Variants in KMO observed in about 807,000 individuals in gnomAD.
KMO encodes kynurenine 3-monooxygenase.
Under a neutral mutation model 57.8 loss-of-function variants are expected in KMO, and 24 were observed. The observed-to-expected ratio is 0.42, with a 90% CI of 0.30 to 0.58. KMO has a LOEUF of 0.58. Ranked by LOEUF, KMO falls within the 20% of genes least tolerant of loss-of-function variation. The probability of loss-of-function intolerance (pLI) is 0.22; values close to 1 mark genes in which losing one functional copy is unlikely to be tolerated. For synonymous variants in KMO, 210 were observed against 193.6 expected (o/e 1.08, Z -0.70); for missense variants, 483 against 588.2 (o/e 0.82, Z 1.85).
intron 1 of KMO, among the ~76,000 whole-genome samples, 171 bp downstream of exon 1, chr1:241,532,669 A>T (rs1468966332): frequency 6.6e-6 from 1 of 152,082 alleles, no homozygotes; most frequent in South Asian, 2.1e-4. Context: ...TCATAGATTT[A>T]ATATAGTATG....
At chr1:241,583,985 C>CT (rs1319583537) in intron 10 of KMO, among the ~76,000 whole-genome samples, 2 of 151,970 alleles carry the variant, frequency 1.3e-5, no homozygotes, top group African/African-American at 4.8e-5. Flanking sequence ...ATTTATTTTT[C>CT]TTTTTTTATT....
rs1662121580 is a variant in KMO, at chr1:241,567,357, T to C, written c.809+745T>C. The stretch of plus-strand genomic sequence containing the variant: ...CCACTTCTTGGTTCATAGATGACAG[T>C]CTTTTTACTGTGTCTTCACATGCTG... On this transcript the variant is annotated intron_variant, in intron 9 of 14. Transcript: ENST00000366559. 2.0e-5 allele frequency among the ~76,000 whole-genome samples: 3 copies of C among 152,332 alleles called. No homozygotes were observed. The South Asian group carries it at 6.2e-4, about 32-fold the overall frequency.
At chr1:241,587,728 G>A (rs1004980871) in intron 11 of KMO, among the ~76,000 whole-genome samples, 2 of 151,314 alleles carry the variant, frequency 1.3e-5, no homozygotes, top group Non-Finnish European at 2.9e-5. Flanking sequence ...ATAGGCGTGA[G>A]CCACCATGCC....
At chr1:241,555,865 C>G (rs560196663) in intron 5 of KMO, 8 of 391,962 alleles carry the variant, frequency 2.0e-5, no homozygotes, top group Non-Finnish European at 1.8e-5. Context: ...AGGCCAGGAT[C>G]GCTTGAGTCC....
chr1:241,550,011 G>T (rs186526025), intron 3 of KMO: 2 of 449,204 alleles, frequency 4.5e-6, no homozygotes, highest in African/African-American at 2.0e-5. Context: ...GTTCTCAACA[G>T]GATGGTGCGT....
At chr1:241,587,664 G>A (rs1198927398) in intron 11 of KMO, among the ~76,000 whole-genome samples, 2 of 151,832 alleles carry the variant, frequency 1.3e-5, no homozygotes, top group African/African-American at 2.4e-5. Context: ...GGCTGGTCTC[G>A]AACTCCTGAC....
intron 1 of KMO, among the ~76,000 whole-genome samples, chr1:241,541,442 A>T (rs12564293): frequency 0.07 from 10,652 of 152,230 alleles, 553 homozygotes; most frequent in East Asian, 0.26. Flanking sequence ...AATGGGAATA[A>T]GTCAACTTTT....
chr1:241,558,898 A>C (rs1661735726), intron 5 of KMO, among the ~76,000 whole-genome samples: 1 of 152,056 alleles, frequency 6.6e-6, no homozygotes, highest in Non-Finnish European at 1.5e-5. Context: ...GGATCACCTG[A>C]GGCCAGGAGT....
At position 241,573,443 on chromosome 1, in the gene KMO, A is replaced by T. The variant is rs548078411; in HGVS notation, c.957+4796A>T. Among the ~76,000 whole-genome samples, 11 of 152,136 alleles carry T rather than the reference A, an allele frequency of 7.2e-5. No homozygotes were observed. In the South Asian group the frequency reaches 2.3e-3, roughly 32 times the overall value. ...TAAGTCTTTTATCCATCTTGAGTTT[A>T]TTTTTGTGTAAAGTGAGAGACAGGG... On this transcript the variant is annotated intron_variant, in intron 10 of 14. Transcript: ENST00000366559.
intron 1 of KMO, among the ~76,000 whole-genome samples, chr1:241,547,048 T>C (rs1222260801): frequency 6.6e-6 from 1 of 152,150 alleles, no homozygotes; most frequent in African/African-American, 2.4e-5. Context: ...AGTGTGATAA[T>C]TATATACAGA....
chr1:241,532,570 T>C, intron 1 of KMO, 72 bp downstream of exon 1: 1 of 1,104,348 alleles, frequency 9.1e-7, no homozygotes, highest in South Asian at 1.5e-5. Flanking sequence ...ATGATTATTA[T>C]TCGTCACTTC....
chr1:241,540,656 G>A lies in KMO; in HGVS notation c.54+8158G>A, dbSNP rs923222116. Among the ~76,000 whole-genome samples the A allele has an allele frequency of 4.6e-5, 7 of 152,094 alleles. No individual in the cohort carries two copies. In the East Asian group the frequency reaches 7.7e-4, roughly 17 times the overall value. On this transcript the variant is annotated intron_variant, in intron 1 of 14. Coordinates refer to ENST00000366559, the MANE Select transcript of KMO (RefSeq NM_003679.5). The stretch of plus-strand genomic sequence containing the variant: ...ATAATGAACTGGAGAAAGAGGTTGG[G>A]ATCACATGTAAGAATCCATTATGTC...
chr1:241,554,588 G>A (rs1391186127), intron 4 of KMO, among the ~76,000 whole-genome samples: 3 of 151,034 alleles, frequency 2.0e-5, no homozygotes, highest in Non-Finnish European at 4.4e-5. Flanking sequence ...TTTTCCTCCT[G>A]ATTTAAAAAT....
intron 1 of KMO, among the ~76,000 whole-genome samples, chr1:241,540,685 T>C (rs1178498086): frequency 1.3e-5 from 2 of 152,130 alleles, no homozygotes; most frequent in Non-Finnish European, 2.9e-5. Context: ...TTATGTCATA[T>C]TGAAAATTTG....
chr1:241,587,486 T>A (rs2147984376), intron 11 of KMO, among the ~76,000 whole-genome samples: 1 of 151,988 alleles, frequency 6.6e-6, no homozygotes, highest in Non-Finnish European at 1.5e-5. Flanking sequence ...TGAGATGGAG[T>A]CACTCCATCG....
intron 10 of KMO, among the ~76,000 whole-genome samples, chr1:241,580,921 TG>T (rs1662724405): frequency 6.6e-6 from 1 of 151,208 alleles, no homozygotes. Context: ...AAGGTGAAAC[TG>T]GGGTGTTAAG....
intron 4 of KMO, among the ~76,000 whole-genome samples, 155 bp downstream of exon 4, chr1:241,551,199 T>G (rs1382384694): frequency 1.3e-5 from 2 of 152,224 alleles, no homozygotes; most frequent in African/African-American, 4.8e-5. Context: ...TTGGCAAGTT[T>G]ATTCAGAGGA....
At position 241,565,558 on chromosome 1, in the gene KMO, TA is replaced by T. The variant is rs56260608; in HGVS notation, c.687+522del. ...CAACATAGCAAGACCTTGCCTCTAC[TA>T]AAAAAAAAAAAAAAAAAAAAATGCC... On this transcript the variant is annotated intron_variant, in intron 8 of 14. Transcript: ENST00000366559. Among the ~76,000 whole-genome samples, 620 of 128,942 alleles carry T rather than the reference TA, an allele frequency of 4.8e-3. 4 individuals carry two copies. The highest frequency in any genetic ancestry group is 0.04 in the East Asian group (174 of 4,330). 84.6% of individuals were successfully genotyped at this position (128,942 alleles called of 152,430 possible).
intron 11 of KMO, among the ~76,000 whole-genome samples, chr1:241,587,169 C>T (rs1573940606): frequency 6.6e-6 from 1 of 152,200 alleles, no homozygotes; most frequent in Admixed American, 6.5e-5. Flanking sequence ...TGAAACTGTT[C>T]CTGCTCTGAT....
Sources: allele counts gnomAD v4.1 joint callset (sites outside exome capture counted in the v4.1 genomes callset), GRCh38; gene constraint gnomAD v4.1.1; transcripts MANE v1.5; gene names NCBI Gene and HGNC (gene_info 2026-07-23, HGNC 2026-07-21).